AP3B1: variants seen among roughly 807,000 people sequenced by gnomAD.
The protein encoded by AP3B1 is AP-3 complex subunit beta-1.
In AP3B1, 61 loss-of-function variants were observed where a neutral mutation model predicts 132.5. That is an observed-to-expected ratio of 0.46 (90% CI 0.37 to 0.57). The LOEUF (loss-of-function observed/expected upper bound fraction) is 0.57. Ranked by LOEUF, AP3B1 falls within the 20% of genes least tolerant of loss-of-function variation. AP3B1 has a pLI of 0.00. For missense variants in AP3B1, 1,120 were observed against 1,289.4 expected (o/e 0.87, Z 2.01); for synonymous variants, 388 against 438.3 (o/e 0.89, Z 1.43).
chr5:78,191,220 G>T (rs1334280651), intron 7 of AP3B1, among the ~76,000 whole-genome samples: 2 of 151,858 alleles, frequency 1.3e-5, no homozygotes, highest in African/African-American at 4.8e-5. Context: ...AGAAAAGCTG[G>T]GGAAAAGTTA....
intron 2 of AP3B1, among the ~76,000 whole-genome samples, chr5:78,258,439 G>A (rs1476467533): frequency 6.6e-6 from 1 of 152,142 alleles, no homozygotes; most frequent in Non-Finnish European, 1.5e-5. Context: ...AAAAGATGCT[G>A]AACATCACTG....
Position 78,216,052 on chromosome 5 carries a change from T to TA in AP3B1, c.786+2dup. The TA allele has an allele frequency of 6.2e-7, 1 of 1,613,966 alleles. No individual in the cohort carries two copies. The highest frequency in any genetic ancestry group is 1.1e-5 in the South Asian group (1 of 91,086). On this transcript the variant is annotated splice_region_variant and intron_variant, in intron 7 of 26. Transcript: ENST00000255194. ...TGAAAGTGGAAGACTGTTCAACACT[T>TA]ACCTCTTTCCAAGGGCTGACAAACT...
chr5:78,165,806 T>C (rs1166805721), intron 11 of AP3B1, 134 bp from the exon 12 acceptor site: 7 of 732,372 alleles, frequency 9.6e-6, no homozygotes, highest in African/African-American at 5.3e-5. Flanking sequence ...CAGTGGCTCA[T>C]GCCTGTAATC....
At chr5:78,258,354 A>C (rs1372225427) in intron 2 of AP3B1, among the ~76,000 whole-genome samples, 1 of 152,158 alleles carries the variant, frequency 6.6e-6, no homozygotes. Context: ...GATTTGATCA[A>C]ATGATAAAAA....
intron 22 of AP3B1, among the ~76,000 whole-genome samples, chr5:78,087,958 T>C (rs1355440203): frequency 6.6e-6 from 1 of 152,194 alleles, no homozygotes; most frequent in Non-Finnish European, 1.5e-5. Context: ...GTAGATAGTA[T>C]TCTCTTAGGA....
chr5:78,088,697 C>G (rs1420495354), intron 22 of AP3B1, among the ~76,000 whole-genome samples: 1 of 152,154 alleles, frequency 6.6e-6, no homozygotes. Context: ...AGATTTCTGA[C>G]AACAAATTAA....
At chr5:78,152,078 CTCCCTTCCTTTCCCTT>C (rs1297732911) in intron 14 of AP3B1, among the ~76,000 whole-genome samples, 37 of 121,660 alleles carry the variant, frequency 3.0e-4, no homozygotes, top group African/African-American at 1.2e-3. Flanking sequence ...TCCCTTCCCT[CTCCCTTCCTTTCCCTT>C]CCCTCTCCTT....
chr5:78,102,236 T>A (rs1053948407), intron 20 of AP3B1, among the ~76,000 whole-genome samples: 3 of 152,134 alleles, frequency 2.0e-5, no homozygotes, highest in African/African-American at 7.2e-5. Context: ...ACAGTGCACA[T>A]ACATGAACAA....
chr5:78,062,400 A>T (rs536265987), intron 22 of AP3B1, among the ~76,000 whole-genome samples: 7 of 152,208 alleles, frequency 4.6e-5, no homozygotes, highest in Non-Finnish European at 8.8e-5. Context: ...CCAGTAGCTC[A>T]AAAAGTAATT....
intron 17 of AP3B1, among the ~76,000 whole-genome samples, chr5:78,121,020 G>C (rs554716400): frequency 3.9e-5 from 6 of 152,266 alleles, no homozygotes; most frequent in East Asian, 3.9e-4. Flanking sequence ...AATCAAACTA[G>C]AACTCAGGAT....
intron 23 of AP3B1, among the ~76,000 whole-genome samples, chr5:78,036,827 T>C (rs1271932280): frequency 6.6e-6 from 1 of 152,174 alleles, no homozygotes; most frequent in Non-Finnish European, 1.5e-5. Context: ...ACTAAAACAC[T>C]AAAATACAGT....
At chr5:78,096,082 T>G (rs1750762742) in intron 21 of AP3B1, among the ~76,000 whole-genome samples, 1 of 152,190 alleles carries the variant, frequency 6.6e-6, no homozygotes, top group Admixed American at 6.5e-5. Context: ...ACTGTACTGC[T>G]GCCATCTCGG....
At chr5:78,002,296 A>G (rs1269802644), downstream of AP3B1, 1 of 259,210 alleles carries the variant, frequency 3.9e-6, no homozygotes, top group East Asian at 7.0e-5. Flanking sequence ...AGGATTATTA[A>G]TAGTTTCTCA....
chr5:78,254,244 T>A (rs1747762884), intron 2 of AP3B1, among the ~76,000 whole-genome samples: 1 of 151,794 alleles, frequency 6.6e-6, no homozygotes, highest in South Asian at 2.1e-4. Flanking sequence ...AATTTAAGAG[T>A]TATTGTCCTT....
chr5:78,008,568 C>T (rs565381723), intron 26 of AP3B1, among the ~76,000 whole-genome samples: 1 of 152,204 alleles, frequency 6.6e-6, no homozygotes, highest in South Asian at 2.1e-4. Context: ...TAGTGGACAG[C>T]CACCAACCTG....
chr5:78,247,689 G>A (rs543648354), intron 2 of AP3B1, among the ~76,000 whole-genome samples: 16 of 151,818 alleles, frequency 1.1e-4, no homozygotes, highest in Non-Finnish European at 2.2e-4. Flanking sequence ...TGTTTGTATG[G>A]TATGCATTTT....
chr5:78,145,886 A>C (rs1753369391), intron 14 of AP3B1, among the ~76,000 whole-genome samples: 1 of 152,186 alleles, frequency 6.6e-6, no homozygotes, highest in Admixed American at 6.5e-5. Context: ...TTCCAGAAGA[A>C]AGATGGACCC....
chr5:78,150,525 C>G (rs180809787), intron 14 of AP3B1, among the ~76,000 whole-genome samples: 53 of 150,632 alleles, frequency 3.5e-4, no homozygotes, highest in African/African-American at 1.3e-3. Context: ...CTTTCAAAAA[C>G]TTTGGTTTTA....
In AP3B1 at chr5:78,193,770, A is replaced by ATATATATTTTTTTTTT; in HGVS notation, c.787-12109_787-12108insAAAAAAAAAATATATA. On this transcript the variant is annotated intron_variant, in intron 7 of 26. Coordinates refer to ENST00000255194, the MANE Select transcript of AP3B1 (RefSeq NM_003664.5). ...TATATATATATATATATATATATAT[A>ATATATATTTTTTTTTT]TTTTTTTTTTAGACAGAGTCTCGCT... Among the ~76,000 whole-genome samples, 120 of 67,152 alleles carry ATATATATTTTTTTTTT rather than the reference A, an allele frequency of 1.8e-3. 1 individual carries two copies. Among genetic ancestry groups the ATATATATTTTTTTTTT allele is most frequent in the Non-Finnish European group, 3.3e-3 (102 of 31,084 alleles). 44.1% of individuals were successfully genotyped at this position (67,152 alleles called of 152,430 possible).
Sources: allele counts gnomAD v4.1 joint callset (sites outside exome capture counted in the v4.1 genomes callset), GRCh38; gene constraint gnomAD v4.1.1; transcripts MANE v1.5; gene names NCBI Gene and HGNC (gene_info 2026-07-23, HGNC 2026-07-21).